The following RHCE variants were observed in gnomAD, a reference collection of about 807,000 sequenced individuals.
RHCE encodes Rh blood group CcEe antigens.
RHCE carries 22 observed loss-of-function variants against 43.8 expected under a neutral mutation model. The observed-to-expected ratio is 0.50, with a 90% CI of 0.36 to 0.72. RHCE has a LOEUF of 0.72. Ranked by LOEUF, RHCE falls within the 30% of genes least tolerant of loss-of-function variation. The pLI, the probability that RHCE is intolerant of heterozygous loss-of-function variation, is 0.00. For missense variants in RHCE, 385 were observed against 525.4 expected, an observed-to-expected ratio of 0.73 and a Z score of 2.61; for synonymous variants, 156 against 210.7, an observed-to-expected ratio of 0.74 and a Z score of 2.25.
chr1:25,425,558 T>C (rs2042799137), upstream of RHCE, among the ~76,000 whole-genome samples: 1 of 152,252 alleles, frequency 6.6e-6, no homozygotes, highest in Non-Finnish European at 1.5e-5. Context: ...AGATGTACTC[T>C]GGTCTCCTCA....
intron 2 of RHCE, among the ~76,000 whole-genome samples, chr1:25,405,530 G>A (rs7549929): frequency 0.075 from 11,316 of 151,334 alleles, 1,362 homozygotes; most frequent in African/African-American, 0.26. Context: ...GCAGGCGTCT[G>A]TAAAAAAATT....
chr1:25,378,336 G>A (rs542890829), intron 7 of RHCE, among the ~76,000 whole-genome samples: 7 of 152,282 alleles, frequency 4.6e-5, no homozygotes, highest in South Asian at 2.1e-4. Flanking sequence ...AAGTGCATTC[G>A]TGTGCTCCAA....
At chr1:25,391,881 C>T (rs1173078723) in intron 4 of RHCE, 113 bp downstream of exon 4, 4 of 1,471,740 alleles carry the variant, frequency 2.7e-6, no homozygotes, top group Non-Finnish European at 1.9e-6. Flanking sequence ...GATGGAAGGG[C>T]TTCAGACACC....
In RHCE at chr1:25,411,036, G is replaced by T. The variant is rs1467198773; in HGVS notation, c.149-2167C>A. 2.6e-5 allele frequency among the ~76,000 whole-genome samples: 4 copies of T among 152,104 alleles called. No homozygotes were observed. In the East Asian group the frequency reaches 7.7e-4, roughly 29 times the overall value. Reference sequence around the variant, plus strand: ...GAACCCAGGAGGCGGAGGTTGCAGTGAGCTGAGACCGCACCACTGCACTCC... The same window carrying T: ...GAACCCAGGAGGCGGAGGTTGCAGTTAGCTGAGACCGCACCACTGCACTCC... On this transcript the variant is annotated intron_variant, in intron 1 of 9. Coordinates refer to ENST00000294413, the MANE Select transcript of RHCE (RefSeq NM_020485.8).
chr1:25,387,869 G>A (rs1263082772), intron 6 of RHCE, among the ~76,000 whole-genome samples: 1 of 151,742 alleles, frequency 6.6e-6, no homozygotes, highest in East Asian at 1.9e-4. Flanking sequence ...CGCCCAGGCT[G>A]GAGTGCAGTG....
At chr1:25,423,708 G>A (rs1465312538), upstream of RHCE, among the ~76,000 whole-genome samples, 3 of 152,150 alleles carry the variant, frequency 2.0e-5, no homozygotes, top group Admixed American at 6.5e-5. Flanking sequence ...AATCTTCAAG[G>A]CAGGTCACCT....
At chr1:25,371,853 C>T (rs893147797) in intron 8 of RHCE, among the ~76,000 whole-genome samples, 2 of 151,406 alleles carry the variant, frequency 1.3e-5, no homozygotes, top group African/African-American at 2.5e-5. Context: ...GTGTCGTTAA[C>T]AAGAATGGGT....
intron 7 of RHCE, among the ~76,000 whole-genome samples, chr1:25,381,427 T>A (rs1645996052): frequency 6.6e-6 from 1 of 152,012 alleles, no homozygotes; most frequent in South Asian, 2.1e-4. Flanking sequence ...ACTGTAGAAC[T>A]GTCTTTAATG....
Position 25,389,042 on chromosome 1 carries a change from C to T in RHCE, c.873G>A (p.Pro291=), listed in dbSNP as rs754569252. ...CAAGACCCAGCACCATGGCAAGCCA[C>T]GGAGAAGGGATCAGGTGACACGAGG... ...VGTSCHLIPS[P]WLAMVLGLVA... The change falls in exon 6 of 10, where the codon CCG becomes CCA. Residue 291 remains proline, a synonymous_variant. Coordinates refer to ENST00000294413, the MANE Select transcript of RHCE (RefSeq NM_020485.8). 46 of 1,614,078 alleles carry T rather than the reference C, an allele frequency of 2.8e-5. 1 individual carries two copies. The East Asian group carries it at 6.5e-4, about 23-fold the overall frequency.
rs753670158 is a variant in RHCE at position 25,385,785 on chromosome 1, G to A, written c.999C>T (p.Ser333=). ...TGATCTCTCCAAGCAGACCCAGCAA[G>A]CTGAAGATGGAGTGCATGACGGAGA... ...HHISVMHSIF[S]LLGLLGEITY... is the part of the protein sequence containing the mutation. Residue 333 remains serine, a synonymous_variant, in exon 7 of 10, where the codon AGC becomes AGT. Coordinates refer to ENST00000294413, the MANE Select transcript of RHCE (RefSeq NM_020485.8). 6.2e-7 allele frequency: 1 copy of A among 1,614,036 alleles called. No homozygotes were observed. Among genetic ancestry groups the A allele is most frequent in the Admixed American group, 1.7e-5 (1 of 60,006 alleles).
intron 5 of RHCE, among the ~76,000 whole-genome samples, 168 bp downstream of exon 5, chr1:25,390,581 T>C (rs1345360544): frequency 6.6e-6 from 1 of 152,222 alleles, no homozygotes; most frequent in Non-Finnish European, 1.5e-5. Context: ...CCAGGCCCCC[T>C]GTGACCACCC....
rs770948090 is a variant in RHCE, at chr1:25,388,997, G to A, written c.918C>T (p.Ile306=). 7.4e-6 allele frequency: 12 copies of A among 1,614,098 alleles called. No individual in the cohort carries two copies. Among genetic ancestry groups the A allele is most frequent in the South Asian group, 4.4e-5 (4 of 91,090 alleles). ...TTACCGGCAGGCACTTGGCTCCCCCGATGGAGATCAGCCCAGCCACAAGAC... is the reference window on the plus strand; with the variant it reads ...TTACCGGCAGGCACTTGGCTCCCCCAATGGAGATCAGCCCAGCCACAAGAC... ...VLGLVAGLIS[I]GGAKCLPVCC... Residue 306 remains isoleucine, a synonymous_variant, in exon 6 of 10, where the codon ATC becomes ATT. Coordinates refer to ENST00000294413, the MANE Select transcript of RHCE (RefSeq NM_020485.8).
Position 25,400,095 on chromosome 1 carries a change from C to T in RHCE, c.486+2501G>A, listed in dbSNP as rs1646685369. On this transcript the variant is annotated intron_variant, in intron 3 of 9. Coordinates refer to ENST00000294413, the MANE Select transcript of RHCE (RefSeq NM_020485.8). The stretch of plus-strand genomic sequence containing the variant: ...CCTGCTTTCCAACTCAAAGGCTTGA[C>T]TCTTGCAGTTCATCTCTCTTCTGTA... Among the ~76,000 whole-genome samples the T allele has an allele frequency of 4.6e-5, 7 of 152,266 alleles. No homozygotes were observed. The South Asian group carries it at 1.5e-3, about 32-fold the overall frequency.
chr1:25,412,435 A>G (rs1647110547), intron 1 of RHCE, among the ~76,000 whole-genome samples: 1 of 152,214 alleles, frequency 6.6e-6, no homozygotes, highest in South Asian at 2.1e-4. Context: ...AAGTCAGACC[A>G]GGTGTGGTGG....
chr1:25,390,910 G>A lies in RHCE; in HGVS notation c.640C>T (p.Leu214Phe). 1 of 1,614,174 alleles carries A rather than the reference G, an allele frequency of 6.2e-7. No individual in the cohort carries two copies. The highest frequency in any genetic ancestry group is 8.5e-7 in the Non-Finnish European group (1 of 1,180,038). Residue 214 changes from leucine (L) to phenylalanine (F), a missense_variant, in exon 5 of 10, where the codon CTC (leucine) becomes TTC (phenylalanine). Coordinates refer to ENST00000294413, the MANE Select transcript of RHCE (RefSeq NM_020485.8). ...CTTGGCCAGAACATCCACAAGAAGA[G>A]GGCGCCTGGGGGCCAGAGAGGGTGG... ...IPSLSAMLGA[L>F]FLWMFWPSVN...
At chr1:25,390,342 C>T (rs946526254) in intron 5 of RHCE, among the ~76,000 whole-genome samples, 2 of 152,196 alleles carry the variant, frequency 1.3e-5, no homozygotes, top group African/African-American at 4.8e-5. Context: ...GCTAGTGTCA[C>T]ATACTTCTCT....
chr1:25,410,333 G>A (rs1390426975), intron 1 of RHCE, among the ~76,000 whole-genome samples: 1 of 152,074 alleles, frequency 6.6e-6, no homozygotes, highest in Non-Finnish European at 1.5e-5. Context: ...GAGAAATCTT[G>A]AAGAATTTTT....
intron 2 of RHCE, among the ~76,000 whole-genome samples, chr1:25,427,738 G>A (rs1159008654): frequency 6.6e-6 from 1 of 152,240 alleles, no homozygotes. Flanking sequence ...AGCTTGCTCA[G>A]CTTGTGCTTT....
chr1:25,401,229 C>T (rs888417371), intron 3 of RHCE, among the ~76,000 whole-genome samples: 6 of 152,052 alleles, frequency 3.9e-5, no homozygotes, highest in African/African-American at 1.4e-4. Context: ...TCAATTACTC[C>T]CTCAAAACCC....
Sources: allele counts gnomAD v4.1 joint callset (sites outside exome capture counted in the v4.1 genomes callset), GRCh38; gene constraint gnomAD v4.1.1; transcripts MANE v1.5; gene names NCBI Gene and HGNC (gene_info 2026-07-23, HGNC 2026-07-21).